Variants in EEF1AKMT1 observed in about 807,000 individuals in gnomAD.
EEF1AKMT1 encodes the protein EEF1A lysine methyltransferase 1.
Under a neutral mutation model 21.0 loss-of-function variants are expected in EEF1AKMT1, and 18 were observed. The ratio of observed to expected loss-of-function variants is 0.86; its 90% CI spans 0.59 to 1.27. EEF1AKMT1 has a LOEUF of 1.27. Among genes scored for constraint, EEF1AKMT1 ranks in the 50% most tolerant of loss-of-function variants. The probability of loss-of-function intolerance (pLI) is 0.00; values close to 1 mark genes in which losing one functional copy is unlikely to be tolerated. For missense variants in EEF1AKMT1, 246 were observed against 258.6 expected (o/e 0.95, Z 0.33); for synonymous variants, 109 against 94.8 (o/e 1.15, Z -0.87).
At chr13:20,760,491 T>G (rs956298782) in intron 1 of EEF1AKMT1, among the ~76,000 whole-genome samples, 1 of 151,900 alleles carries the variant, frequency 6.6e-6, no homozygotes, top group Non-Finnish European at 1.5e-5. Context: ...AAACAATGGG[T>G]ACAGGTGGAC....
At chr13:20,768,565 C>T (rs952919478) in intron 1 of EEF1AKMT1, among the ~76,000 whole-genome samples, 2 of 152,164 alleles carry the variant, frequency 1.3e-5, no homozygotes, top group Non-Finnish European at 2.9e-5. Context: ...CTCTCTGGTA[C>T]TCAGCCTTCC....
intron 1 of EEF1AKMT1, among the ~76,000 whole-genome samples, chr13:20,770,035 G>A (rs995186317): frequency 2.2e-4 from 34 of 152,258 alleles, no homozygotes; most frequent in South Asian, 8.3e-4. Flanking sequence ...CTAACTAGAG[G>A]AATTAAAAGC....
intron 1 of EEF1AKMT1, among the ~76,000 whole-genome samples, chr13:20,763,641 T>G (rs754015310): frequency 6.6e-6 from 1 of 152,176 alleles, no homozygotes; most frequent in African/African-American, 2.4e-5. Flanking sequence ...TTAGTAGAGA[T>G]GGAGTTTCAC....
intron 4 of EEF1AKMT1, among the ~76,000 whole-genome samples, chr13:20,730,059 AC>A (rs1228374211): frequency 6.6e-6 from 1 of 151,942 alleles, no homozygotes; most frequent in Non-Finnish European, 1.5e-5. Context: ...GTGGCTCCTG[AC>A]CCCTCAGGTC....
At chr13:20,739,574 A>G (rs2058857777) in intron 2 of EEF1AKMT1, among the ~76,000 whole-genome samples, 1 of 152,218 alleles carries the variant, frequency 6.6e-6, no homozygotes, top group Admixed American at 6.5e-5. Context: ...ACAATCCTCT[A>G]GCTAGACGTA....
intron 2 of EEF1AKMT1, among the ~76,000 whole-genome samples, chr13:20,754,069 G>T (rs1419697024): frequency 4.6e-5 from 7 of 151,976 alleles, no homozygotes. Flanking sequence ...TTACCAGTGG[G>T]TTTTATACTT....
At chr13:20,763,887 T>C (rs10162115) in intron 1 of EEF1AKMT1, among the ~76,000 whole-genome samples, 14,171 of 152,302 alleles carry the variant, frequency 0.093, 812 homozygotes, top group Non-Finnish European at 0.13. Flanking sequence ...TTCATCTAAG[T>C]TGTTAAAATT....
chr13:20,756,114 C>T (rs978220818), intron 2 of EEF1AKMT1, among the ~76,000 whole-genome samples: 1 of 152,058 alleles, frequency 6.6e-6, no homozygotes, highest in African/African-American at 2.4e-5. Context: ...GTTTATATAA[C>T]TCAGAGATCC....
At chr13:20,733,769 C>G (rs2058811460) in intron 3 of EEF1AKMT1, among the ~76,000 whole-genome samples, 2 of 152,196 alleles carry the variant, frequency 1.3e-5, no homozygotes, top group South Asian at 4.1e-4. Flanking sequence ...GTGACCTTTT[C>G]TCACAATTCC....
At chr13:20,738,705 C>T (rs1485259928) in intron 2 of EEF1AKMT1, among the ~76,000 whole-genome samples, 3 of 152,196 alleles carry the variant, frequency 2.0e-5, no homozygotes, top group Non-Finnish European at 4.4e-5. Flanking sequence ...GGAAACATTA[C>T]ACTGAACGAA....
At chr13:20,759,672 A>G (rs1439082275) in intron 1 of EEF1AKMT1, among the ~76,000 whole-genome samples, 2 of 152,094 alleles carry the variant, frequency 1.3e-5, no homozygotes, top group African/African-American at 4.8e-5. Context: ...AAAAGTGGGC[A>G]AAGTACATGA....
At chr13:20,734,848 T>C (rs1352955344) in intron 3 of EEF1AKMT1, among the ~76,000 whole-genome samples, 1 of 151,948 alleles carries the variant, frequency 6.6e-6, no homozygotes, top group Non-Finnish European at 1.5e-5. Context: ...GCAGTGTCAC[T>C]AAGAAAAACC....
chr13:20,759,573 C>A (rs2058988880), intron 1 of EEF1AKMT1, among the ~76,000 whole-genome samples: 1 of 151,088 alleles, frequency 6.6e-6, no homozygotes, highest in African/African-American at 2.4e-5. Flanking sequence ...GAGCAAGACT[C>A]CGTCTCAAAA....
At chr13:20,737,603 C>T (rs2058833679) in intron 3 of EEF1AKMT1, 120 bp downstream of exon 3, 1 of 842,570 alleles carries the variant, frequency 1.2e-6, no homozygotes, top group Admixed American at 2.4e-5. Context: ...TCATATGCTG[C>T]AAACCATGAT....
chr13:20,767,663 C>T (rs1293896978), intron 1 of EEF1AKMT1, among the ~76,000 whole-genome samples: 1 of 151,818 alleles, frequency 6.6e-6, no homozygotes, highest in Non-Finnish European at 1.5e-5. Flanking sequence ...GTTTTTTACA[C>T]GTTTCTTGTA....
chr13:20,768,236 G>A (rs1432502863), intron 1 of EEF1AKMT1, among the ~76,000 whole-genome samples: 1 of 152,114 alleles, frequency 6.6e-6, no homozygotes, highest in Non-Finnish European at 1.5e-5. Flanking sequence ...TCCTATGTAA[G>A]TATTCCTGAA....
Position 20,737,736 on chromosome 13 carries a change from C to G in EEF1AKMT1, c.214G>C (p.Gly72Arg). The change falls in exon 3 of 5, where the codon GGA (glycine) becomes CGA (arginine). Residue 72 changes from glycine (G) to arginine (R), a missense_variant. Transcript: ENST00000382758. The part of the protein sequence containing the change: ...QLAQEAIAAV[G>R]EGGRIACVSA... ...TTTGAATCTCACCTGCCACCTTCTCCTACAGCTGCAATTGCCTCCTGTGCC... is the reference window on the plus strand; with the variant it reads ...TTTGAATCTCACCTGCCACCTTCTCGTACAGCTGCAATTGCCTCCTGTGCC... The G allele has an allele frequency of 1.9e-6, 3 of 1,612,508 alleles. No homozygotes were observed. The highest frequency in any genetic ancestry group is 2.5e-6 in the Non-Finnish European group (3 of 1,179,310).
chr13:20,740,260 G>A (rs1000514446), intron 2 of EEF1AKMT1, among the ~76,000 whole-genome samples: 11 of 152,234 alleles, frequency 7.2e-5, no homozygotes, highest in East Asian at 1.9e-4. Flanking sequence ...CCTGGAACTC[G>A]TGCTGGACTG....
chr13:20,764,833 T>TAA (rs55702156), intron 1 of EEF1AKMT1, among the ~76,000 whole-genome samples: 7 of 149,044 alleles, frequency 4.7e-5, no homozygotes, highest in African/African-American at 9.9e-5. Context: ...CTCATGCTTT[T>TAA]AAAAAAAAGC....
Sources: gnomAD v4.1 joint callset for allele counts (sites outside exome capture counted in the v4.1 genomes callset) on GRCh38, gnomAD v4.1.1 for gene constraint, MANE v1.5 for transcripts, NCBI Gene and HGNC (gene_info 2026-07-23, HGNC 2026-07-21) for gene names.